The following LIPA variants were observed in gnomAD, a reference collection of about 807,000 sequenced individuals.
LIPA encodes lipase A, lysosomal acid type.
In LIPA, 26 loss-of-function variants were observed where a neutral mutation model predicts 40.6. The ratio of observed to expected loss-of-function variants is 0.64; its 90% confidence interval spans 0.47 to 0.89. The LOEUF is 0.89. LIPA is among the 40% of genes least tolerant of loss of function. The pLI, the probability that LIPA is intolerant of heterozygous loss-of-function variation, is 0.00. For synonymous variants in LIPA, 188 were observed against 168.4 expected, an observed-to-expected ratio of 1.12 and a Z score of -0.90; for missense variants, 455 against 479.6, an observed-to-expected ratio of 0.95 and a Z score of 0.48.
intron 1 of LIPA, among the ~76,000 whole-genome samples, chr10:89,266,665 T>C (rs1421132906): frequency 1.3e-5 from 2 of 152,186 alleles, no homozygotes; most frequent in African/African-American, 4.8e-5. Context: ...GAGTGGAAAA[T>C]AAGGGGGCTT....
At chr10:89,285,440 T>C (rs1397512446) in intron 1 of LIPA, among the ~76,000 whole-genome samples, 2 of 152,240 alleles carry the variant, frequency 1.3e-5, no homozygotes, top group East Asian at 3.8e-4. Context: ...ACTCCAGTGC[T>C]GGTCACAGAT....
At chr10:89,244,860 C>T (rs892446448) in intron 3 of LIPA, among the ~76,000 whole-genome samples, 1 of 152,050 alleles carries the variant, frequency 6.6e-6, no homozygotes, top group African/African-American at 2.4e-5. Context: ...ATCAGCTTGG[C>T]AATATATATC....
At chr10:89,316,400 C>G (rs899509968) in intron 1 of LIPA, among the ~76,000 whole-genome samples, 1 of 152,232 alleles carries the variant, frequency 6.6e-6, no homozygotes, top group African/African-American at 2.4e-5. Flanking sequence ...TCTTAGCAAA[C>G]AGAACACCAG....
chr10:89,339,008 A>C (rs1843798306), intron 1 of LIPA: 1 of 1,614,080 alleles, frequency 6.2e-7, no homozygotes, highest in Non-Finnish European at 8.5e-7. Flanking sequence ...ATTTATGTAG[A>C]TAAGGTGAAA....
intron 2 of LIPA, among the ~76,000 whole-genome samples, chr10:89,378,831 T>C (rs1293922902): frequency 6.6e-6 from 1 of 152,188 alleles, no homozygotes; most frequent in Non-Finnish European, 1.5e-5. Context: ...AGCAATGCTC[T>C]TAAGGAAATA....
At chr10:89,366,737 C>A (rs899055953) in intron 2 of LIPA, among the ~76,000 whole-genome samples, 1 of 152,150 alleles carries the variant, frequency 6.6e-6, no homozygotes, top group Non-Finnish European at 1.5e-5. Flanking sequence ...GGACTGTAAA[C>A]CAGTTCAACC....
chr10:89,346,334 C>T (rs560009585), upstream of LIPA, among the ~76,000 whole-genome samples: 6 of 152,294 alleles, frequency 3.9e-5, no homozygotes, highest in East Asian at 9.6e-4. Flanking sequence ...ATCAACTAAT[C>T]TACAAGTCTT....
chr10:89,230,911 T>C (rs1205359601), intron 3 of LIPA, among the ~76,000 whole-genome samples: 3 of 152,206 alleles, frequency 2.0e-5, no homozygotes, highest in Non-Finnish European at 4.4e-5. Context: ...GTATCCAGTA[T>C]AGTGACTGAC....
intron 1 of LIPA, among the ~76,000 whole-genome samples, chr10:89,295,070 G>A (rs1589591928): frequency 6.9e-6 from 1 of 144,688 alleles, no homozygotes; most frequent in South Asian, 2.2e-4. Flanking sequence ...GGAAAGGAAA[G>A]GAAAGGAATG....
chr10:89,306,478 C>T, intron 1 of LIPA: 1 of 1,614,120 alleles, frequency 6.2e-7, no homozygotes, highest in Non-Finnish European at 8.5e-7. Context: ...ACCCAGAATT[C>T]ACCTCTGGAC....
At chr10:89,215,122 A>G in intron 9 of LIPA, 61 bp from the exon 10 acceptor site, 1 of 1,221,858 alleles carries the variant, frequency 8.2e-7, no homozygotes, top group East Asian at 2.3e-5. Flanking sequence ...TTTCAAAATC[A>G]CAATAAGCGC....
chr10:89,258,673 T>C (rs1363497064), intron 1 of LIPA, among the ~76,000 whole-genome samples: 1 of 152,154 alleles, frequency 6.6e-6, no homozygotes, highest in East Asian at 1.9e-4. Flanking sequence ...CATAGAGTTA[T>C]CATATGACCC....
chr10:89,392,482 T>A, intron 2 of LIPA: 1 of 90,288 alleles, frequency 1.1e-5, no homozygotes, highest in Non-Finnish European at 2.0e-5. Flanking sequence ...CCCCCCCCCG[T>A]CAGCAGGAAT....
At chr10:89,392,317 C>T (rs998266139) in intron 2 of LIPA, among the ~76,000 whole-genome samples, 1 of 152,196 alleles carries the variant, frequency 6.6e-6, no homozygotes, top group Non-Finnish European at 1.5e-5. Flanking sequence ...CACCAACTGC[C>T]ACAATAGGCA....
intron 2 of LIPA, among the ~76,000 whole-genome samples, chr10:89,388,379 T>G (rs1486666550): frequency 6.6e-6 from 1 of 152,224 alleles, no homozygotes; most frequent in Non-Finnish European, 1.5e-5. Context: ...GTGCTGGGAT[T>G]ACAGGTGTGA....
At chr10:89,264,026 C>T (rs1264010995) in intron 1 of LIPA, among the ~76,000 whole-genome samples, 5 of 152,216 alleles carry the variant, frequency 3.3e-5, no homozygotes, top group African/African-American at 9.7e-5. Context: ...CTTGGAGAAG[C>T]CAGAAACCAC....
At chr10:89,246,204 G>T (rs1843023001) in intron 2 of LIPA, among the ~76,000 whole-genome samples, 1 of 152,038 alleles carries the variant, frequency 6.6e-6, no homozygotes, top group Non-Finnish European at 1.5e-5. Context: ...GGCCAATAAA[G>T]TATAAAAAAT....
intron 1 of LIPA, among the ~76,000 whole-genome samples, chr10:89,298,676 G>C (rs1843428978): frequency 6.6e-6 from 1 of 152,046 alleles, no homozygotes; most frequent in African/African-American, 2.4e-5. Flanking sequence ...CAATCAAAAA[G>C]AAATCCAGGA....
intron 9 of LIPA, among the ~76,000 whole-genome samples, chr10:89,215,358 T>C (rs1021446409): frequency 1.3e-5 from 2 of 152,278 alleles, no homozygotes; most frequent in East Asian, 3.9e-4. Context: ...CCATAGGTAG[T>C]ACACTCAAGG....
Sources: gnomAD v4.1 joint callset for allele counts (sites outside exome capture counted in the v4.1 genomes callset) on GRCh38, gnomAD v4.1.1 for gene constraint, MANE v1.5 for transcripts, NCBI Gene and HGNC (gene_info 2026-07-23, HGNC 2026-07-21) for gene names.